Variants in TRABD2B observed in about 807,000 individuals in gnomAD.
The protein encoded by TRABD2B is metalloprotease TIKI2.
A neutral mutation model predicts 40.1 loss-of-function variants in TRABD2B; 14 were observed. That is an observed-to-expected ratio of 0.35 (90% confidence interval 0.23 to 0.55). TRABD2B has a LOEUF of 0.55. Ranked by LOEUF, TRABD2B falls within the 20% of genes least tolerant of loss-of-function variation. TRABD2B has a pLI of 0.90. For missense variants in TRABD2B, 541 were observed against 648.6 expected, an observed-to-expected ratio of 0.83 and a Z score of 1.80; for synonymous variants, 263 against 277.0, an observed-to-expected ratio of 0.95 and a Z score of 0.50.
At chr1:47,948,433 GGTT>G (rs1645290470) in intron 2 of TRABD2B, among the ~76,000 whole-genome samples, 1 of 152,178 alleles carries the variant, frequency 6.6e-6, no homozygotes, top group African/African-American at 2.4e-5. Context: ...ACCTATCTCA[GGTT>G]GTTAACTTTT....
intron 2 of TRABD2B, among the ~76,000 whole-genome samples, chr1:47,863,039 C>T (rs1048432434): frequency 6.6e-6 from 1 of 151,870 alleles, no homozygotes; most frequent in Non-Finnish European, 1.5e-5. Flanking sequence ...AGGCACAGAC[C>T]TTACACTCTT....
chr1:47,781,233 C>G (rs1644517498), intron 4 of TRABD2B, among the ~76,000 whole-genome samples: 1 of 152,224 alleles, frequency 6.6e-6, no homozygotes, highest in Non-Finnish European at 1.5e-5. Context: ...TTTTCTGCCT[C>G]CTTGGAGACC....
intron 2 of TRABD2B, among the ~76,000 whole-genome samples, chr1:47,890,882 G>A (rs575438690): frequency 1.3e-5 from 2 of 152,370 alleles, no homozygotes; most frequent in African/African-American, 4.8e-5. Context: ...CTGTATTAAG[G>A]ACGTTTATGG....
At chr1:47,913,382 G>A (rs367963204) in intron 2 of TRABD2B, among the ~76,000 whole-genome samples, 48 of 152,220 alleles carry the variant, frequency 3.2e-4, no homozygotes, top group African/African-American at 1.1e-3. Flanking sequence ...ATACTTGGGC[G>A]CGACCTAAGT....
Position 47,975,425 on chromosome 1 carries a change from C to T in TRABD2B, c.666+18609G>A, listed in dbSNP as rs1337227941. Among the ~76,000 whole-genome samples, 5 of 152,306 alleles carry T rather than the reference C, an allele frequency of 3.3e-5. No homozygotes were observed. In the East Asian group the frequency reaches 7.7e-4, roughly 24 times the overall value. On this transcript the variant is annotated intron_variant, in intron 2 of 6. Coordinates refer to ENST00000606738, the MANE Select transcript of TRABD2B (RefSeq NM_001194986.2). The stretch of plus-strand genomic sequence containing the variant: ...GTTTAGCATGATACTAGAAAACAGA[C>T]GAATTCCTGAAGTCTGTTAAGCACT...
At chr1:47,814,227 G>A (rs1645001288) in intron 2 of TRABD2B, among the ~76,000 whole-genome samples, 1 of 152,262 alleles carries the variant, frequency 6.6e-6, no homozygotes, top group Non-Finnish European at 1.5e-5. Flanking sequence ...GCAGCCTGTG[G>A]CTGGTGGAGG....
intron 1 of TRABD2B, among the ~76,000 whole-genome samples, chr1:47,995,901 G>A (rs1466564778): frequency 6.6e-6 from 1 of 152,218 alleles, no homozygotes; most frequent in Non-Finnish European, 1.5e-5. Flanking sequence ...CTAACAGGCA[G>A]CACACCTACA....
Position 47,763,865 on chromosome 1 carries a change from C to T in TRABD2B, c.*2037G>A, listed in dbSNP as rs1644270177. 1 of 152,260 alleles carries T rather than the reference C, an allele frequency of 6.6e-6. No individual in the cohort carries two copies. Among genetic ancestry groups the T allele is most frequent in the African/African-American group, 2.4e-5 (1 of 41,458 alleles). 9.4% of individuals were successfully genotyped at this position (152,260 alleles called of 1,614,324 possible). A position where few individuals can be genotyped will look rare whatever the true frequency, so the allele number is the denominator to read the frequency against. On this transcript the variant is annotated 3_prime_UTR_variant, in exon 7 of 7. Coordinates refer to ENST00000606738, the MANE Select transcript of TRABD2B (RefSeq NM_001194986.2). ...CTTTATAAGTCAGCTAAGCCCCTTCCCGCTCAGAAATAGGAAGTCACATTT... is the reference window on the plus strand; with the variant it reads ...CTTTATAAGTCAGCTAAGCCCCTTCTCGCTCAGAAATAGGAAGTCACATTT...
intron 2 of TRABD2B, among the ~76,000 whole-genome samples, chr1:47,965,377 T>A (rs1418983442): frequency 6.7e-6 from 1 of 148,744 alleles, no homozygotes. Flanking sequence ...AAATTAAGCA[T>A]CTCCTTCCCT....
At chr1:47,801,831 C>T (rs1418390919) in intron 2 of TRABD2B, among the ~76,000 whole-genome samples, 2 of 152,208 alleles carry the variant, frequency 1.3e-5, no homozygotes, top group Non-Finnish European at 2.9e-5. Context: ...ACCTCCAGCC[C>T]TTTGCCCACA....
chr1:47,909,790 C>A (rs1644734833), intron 2 of TRABD2B, among the ~76,000 whole-genome samples: 1 of 256 alleles, frequency 3.9e-3, no homozygotes, highest in Non-Finnish European at 8.3e-3. Context: ...CCCTCCCCAT[C>A]CCCCCCCCCC....
chr1:47,908,466 G>A lies in TRABD2B; in HGVS notation c.666+85568C>T, dbSNP rs543323831. On this transcript the variant is annotated intron_variant, in intron 2 of 6. Transcript: ENST00000606738. ...GCCTCAGCTTCCTCATCTGTAAAATGGGCTTCTACCCCACCTCCAGAGTTG... is the reference window on the plus strand; with the variant it reads ...GCCTCAGCTTCCTCATCTGTAAAATAGGCTTCTACCCCACCTCCAGAGTTG... Among the ~76,000 whole-genome samples, 5 of 152,284 alleles carry A rather than the reference G, an allele frequency of 3.3e-5. No homozygotes were observed. In the East Asian group the frequency reaches 9.7e-4, roughly 29 times the overall value.
intron 2 of TRABD2B, among the ~76,000 whole-genome samples, chr1:47,855,449 C>A (rs1054571359): frequency 6.6e-6 from 1 of 152,142 alleles, no homozygotes; most frequent in African/African-American, 2.4e-5. Context: ...TATGGGATAT[C>A]GTTCTGTTTT....
chr1:47,815,377 G>A (rs561988874), intron 2 of TRABD2B, among the ~76,000 whole-genome samples: 12 of 152,328 alleles, frequency 7.9e-5, no homozygotes, highest in African/African-American at 2.9e-4. Flanking sequence ...CCTTGAAGGA[G>A]CAGGTTAAAG....
chr1:47,835,743 T>C (rs910835182), intron 2 of TRABD2B, among the ~76,000 whole-genome samples: 1 of 152,196 alleles, frequency 6.6e-6, no homozygotes, highest in Admixed American at 6.5e-5. Context: ...GTAACCAACA[T>C]ACCTTCCCTT....
rs766117465 is a variant in TRABD2B, at chr1:47,890,808, A to G, written c.667-89189T>C. Among the ~76,000 whole-genome samples the G allele has an allele frequency of 1.2e-4, 19 of 152,216 alleles. No homozygotes were observed. The South Asian group carries it at 1.4e-3, about 12-fold the overall frequency. ...CTGAAGAAGAAGAATATAATTCCCA[A>G]CTTCAAAAAGGCAACAGCTTCGAAA... On this transcript the variant is annotated intron_variant, in intron 2 of 6. Transcript: ENST00000606738.
intron 2 of TRABD2B, among the ~76,000 whole-genome samples, chr1:47,875,658 G>C (rs1289676787): frequency 2.0e-5 from 2 of 102,132 alleles, no homozygotes; most frequent in South Asian, 3.8e-4. Flanking sequence ...CTGCACAACA[G>C]AGTGAAACCC....
intron 6 of TRABD2B, among the ~76,000 whole-genome samples, chr1:47,774,611 A>G (rs1408651949): frequency 2.6e-5 from 4 of 152,170 alleles, no homozygotes; most frequent in Non-Finnish European, 4.4e-5. Flanking sequence ...GTGCATTAGG[A>G]TGATTTCTCC....
At chr1:47,993,362 C>T (rs1646040440) in intron 2 of TRABD2B, among the ~76,000 whole-genome samples, 2 of 152,322 alleles carry the variant, frequency 1.3e-5, no homozygotes, top group South Asian at 4.1e-4. Context: ...TAAGCCCCTC[C>T]CTTCTCTCCT....
Sources: gnomAD v4.1 joint callset for allele counts (sites outside exome capture counted in the v4.1 genomes callset) on GRCh38, gnomAD v4.1.1 for gene constraint, MANE v1.5 for transcripts, NCBI Gene and HGNC (gene_info 2026-07-23, HGNC 2026-07-21) for gene names.